Variants in PHLDB1 observed in about 807,000 individuals in gnomAD.
The protein encoded by PHLDB1 is pleckstrin homology-like domain family B member 1.
PHLDB1 carries 65 observed loss-of-function variants against 139.3 expected under a neutral mutation model. The ratio of observed to expected loss-of-function variants is 0.47; its 90% CI spans 0.38 to 0.57. The LOEUF is 0.57. Among genes scored for constraint, PHLDB1 ranks in the 20% least tolerant of loss-of-function variants. The pLI is 0.00. For missense variants in PHLDB1, 1,624 were observed against 1,839.7 expected (o/e 0.88, Z 2.14); for synonymous variants, 679 against 734.5 (o/e 0.92, Z 1.22).
intron 4 of PHLDB1, among the ~76,000 whole-genome samples, chr11:118,618,887 C>G (rs1555092087): frequency 6.6e-6 from 1 of 151,656 alleles, no homozygotes; most frequent in Non-Finnish European, 1.5e-5. Flanking sequence ...GTGACAGGCT[C>G]TTCCAGCAGG....
rs782741815 is a variant in PHLDB1, at chr11:118,627,727, C to T, written c.904C>T (p.Arg302Cys). The change falls in exon 6 of 23, where the codon CGC (arginine) becomes TGC (cysteine). Residue 302 changes from arginine to cysteine, a missense_variant. By Grantham distance (180) the Arg-to-Cys change is radical. Transcript: ENST00000600882. ...YHLALQPPQS[R>C]PSGARSESPR... The stretch of plus-strand genomic sequence containing the variant: ...TCTGGCCCTACAGCCCCCACAGTCC[C>T]GCCCAAGTGGTGCTCGCTCCGAGAG... 37 of 1,609,734 alleles carry T rather than the reference C, an allele frequency of 2.3e-5. No homozygotes were observed. The highest frequency in any genetic ancestry group is 9.9e-5 in the South Asian group (9 of 91,092).
chr11:118,650,577 C>A lies in PHLDB1; in HGVS notation c.3874+30C>A. The A allele has an allele frequency of 6.8e-7, 1 of 1,463,510 alleles. No individual in the cohort carries two copies. Among genetic ancestry groups the A allele is most frequent in the East Asian group, 2.3e-5 (1 of 44,178 alleles). 90.7% of individuals were successfully genotyped at this position (1,463,510 alleles called of 1,614,324 possible). A position where few individuals can be genotyped will look rare whatever the true frequency, so the allele number is the denominator to read the frequency against. ...GTTCCCACAAGGCCACCCTGGGGGC[C>A]AGCCAGGATCCCTGGGCTCTGTTAC... On this transcript the variant is annotated intron_variant, in intron 20 of 22. Transcript: ENST00000600882. The surrounding 1 kb of genome is among the most constrained non-coding windows in gnomAD (Gnocchi z 4.7).
chr11:118,615,930 T>C, intron 3 of PHLDB1, 111 bp from the exon 4 acceptor site: 1 of 888,876 alleles, frequency 1.1e-6, no homozygotes, highest in Non-Finnish European at 1.8e-6. Flanking sequence ...TGGGCAGAGA[T>C]TCTCCCTGGA....
chr11:118,614,735 C>T (rs1555087437), intron 3 of PHLDB1, 53 bp downstream of exon 3: 1 of 1,583,840 alleles, frequency 6.3e-7, no homozygotes, highest in Non-Finnish European at 8.6e-7. Flanking sequence ...TATAGGCATT[C>T]CTGCCCTGGA....
intron 6 of PHLDB1, among the ~76,000 whole-genome samples, chr11:118,628,983 C>T (rs553506767): frequency 2.0e-5 from 3 of 152,334 alleles, no homozygotes; most frequent in East Asian, 1.9e-4. Flanking sequence ...GGTAAGACCT[C>T]GAACCTCCCA....
At chr11:118,624,869 A>G in intron 4 of PHLDB1, 65 bp from the exon 5 acceptor site, 2 of 1,572,392 alleles carry the variant, frequency 1.3e-6, no homozygotes. Context: ...CTCCGCCTCC[A>G]AAAGTGTTGG....
upstream of PHLDB1, among the ~76,000 whole-genome samples, chr11:118,606,873 T>C (rs1212388098): frequency 6.6e-6 from 1 of 152,206 alleles, no homozygotes; most frequent in East Asian, 1.9e-4. Flanking sequence ...ATCCAGCAAG[T>C]CTGTCGGGGT....
In PHLDB1 at chr11:118,648,076, G is replaced by A. The variant is rs782296918; in HGVS notation, c.3654G>A (p.Gln1218=). The A allele has an allele frequency of 6.2e-7, 1 of 1,613,324 alleles. No individual in the cohort carries two copies. Among genetic ancestry groups the A allele is most frequent in the Non-Finnish European group, 8.5e-7 (1 of 1,179,560 alleles). ...EVKMREKQFS[Q]ARPLTRYLPI... is the part of the protein sequence containing the mutation. ...AGATGCGGGAGAAACAATTTTCCCA[G>A]GTGAATGGGCAGTGGGGCACAGTGG... The change falls in exon 18 of 23, where the codon CAG becomes CAA. Residue 1218 remains glutamine, a splice_region_variant and synonymous_variant. Transcript: ENST00000600882.
At position 118,618,465 on chromosome 11, in the gene PHLDB1, T is replaced by C. The variant is rs566866125; in HGVS notation, c.355+2254T>C. ...GTGGCTCGGGGGTGCATGTGCTATC[T>C]CTGTGTGTCTGTGTAACCGGAGTGT... is the stretch of plus-strand genomic sequence containing the variant. On this transcript the variant is annotated intron_variant, in intron 4 of 22. Transcript: ENST00000600882. 3.4e-4 allele frequency among the ~76,000 whole-genome samples: 51 copies of C among 152,208 alleles called. No homozygotes were observed. The Middle Eastern group carries it at 0.01, about 30-fold the overall frequency.
intron 4 of PHLDB1, among the ~76,000 whole-genome samples, chr11:118,618,215 C>A (rs1942046188): frequency 6.6e-6 from 1 of 152,146 alleles, no homozygotes; most frequent in South Asian, 2.1e-4. Context: ...CCTCCCCAAC[C>A]CCCATAGCCT....
At chr11:118,641,468 TCGAGTTGAGAGGA>T (rs1466730820) in intron 12 of PHLDB1, 1 of 325,410 alleles carries the variant, frequency 3.1e-6, no homozygotes, top group Admixed American at 4.9e-5. Context: ...GATGAGGGTG[TCGAGTTGAGAGGA>T]CTCTGGCTTT....
chr11:118,612,229 TA>T (rs1940581762), intron 1 of PHLDB1, among the ~76,000 whole-genome samples: 1 of 152,182 alleles, frequency 6.6e-6, no homozygotes, highest in Non-Finnish European at 1.5e-5. Flanking sequence ...ATCTTATAGC[TA>T]ATAAATAAAT....
intron 7 of PHLDB1, 40 bp from the exon 8 acceptor site, chr11:118,631,873 G>T (rs1555110934): frequency 1.3e-6 from 2 of 1,573,118 alleles, no homozygotes; most frequent in African/African-American, 1.4e-5. Flanking sequence ...ATTCCAAAAG[G>T]CTCTAGGCTT....
At position 118,608,922 on chromosome 11, in the gene PHLDB1, CCA is replaced by C. The variant is rs1379988956; in HGVS notation, c.-22+1224_-22+1225del. Among the ~76,000 whole-genome samples the C allele has an allele frequency of 6.6e-6, 1 of 151,720 alleles. No individual in the cohort carries two copies. Among genetic ancestry groups the C allele is most frequent in the Non-Finnish European group, 1.5e-5 (1 of 67,900 alleles). On this transcript the variant is annotated intron_variant, in intron 1 of 22. Transcript: ENST00000600882. The surrounding 1 kb of genome is among the most constrained non-coding windows in gnomAD (Gnocchi z 6.7). ...ACACAGCCTACCTCACACACGCACCCCAGTCACACACACAACCCAGCTCACAC... is the reference window on the plus strand; with the variant it reads ...ACACAGCCTACCTCACACACGCACCCGTCACACACACAACCCAGCTCACAC...
In PHLDB1 at chr11:118,628,042, C is replaced by A. The variant is rs782308236; in HGVS notation, c.1219C>A (p.Arg407Ser). The A allele has an allele frequency of 4.3e-6, 7 of 1,613,908 alleles. No individual in the cohort carries two copies. In the Admixed American group the frequency reaches 1.0e-4, roughly 23 times the overall value. The change falls in exon 6 of 23, where the codon CGT (arginine) becomes AGT (serine). Residue 407 changes from arginine (R) to serine (S), a missense_variant. Physicochemically the swap from Arg to Ser is moderately radical, Grantham distance 110. Transcript: ENST00000600882. ...CCAGGACCGCCCTCCCAGCCCTTTC[C>A]GTGAGCCTCCAGGCAGTGAGCGGGT... Reference protein sequence around the residue: ...TLQDRPPSPFREPPGSERVLT... With the variant: ...TLQDRPPSPFSEPPGSERVLT...
intron 4 of PHLDB1, among the ~76,000 whole-genome samples, chr11:118,623,734 C>T (rs1943269120): frequency 6.6e-6 from 1 of 152,100 alleles, no homozygotes; most frequent in African/African-American, 2.4e-5. Context: ...CCCTTGTTCC[C>T]TATCTCAGTT....
chr11:118,624,528 T>C, intron 4 of PHLDB1: 1 of 239,930 alleles, frequency 4.2e-6, no homozygotes, highest in South Asian at 4.7e-5. Flanking sequence ...CTGCTAGTGC[T>C]GTGAGGTGGG....
rs1285404196 is a variant in PHLDB1, at chr11:118,635,518, T to A, written c.2505T>A (p.Ala835=). The part of the protein sequence containing the change: ...LAGQGLLRSK[A]ELLRSIAKRK... ...GCCAGGGGCTGCTCCGGAGCAAGGC[T>A]GAGCTGCTCCGCAGCATCGCCAAGA... is the stretch of plus-strand genomic sequence containing the variant. The change falls in exon 10 of 23, where the codon GCT becomes GCA. Residue 835 remains alanine, a synonymous_variant. Transcript: ENST00000600882. 1 of 1,593,724 alleles carries A rather than the reference T, an allele frequency of 6.3e-7. No homozygotes were observed. The highest frequency in any genetic ancestry group is 8.5e-7 in the Non-Finnish European group (1 of 1,171,070).
Position 118,632,682 on chromosome 11 carries a change from C to T in PHLDB1, c.2379+386C>T, listed in dbSNP as rs1555112294. 4.6e-6 allele frequency: 1 copy of T among 218,344 alleles called. No individual in the cohort carries two copies. Among genetic ancestry groups the T allele is most frequent in the Non-Finnish European group, 9.0e-6 (1 of 111,546 alleles). The allele number at this position is 218,344 out of a possible 1,614,324, so 13.5% of individuals were successfully genotyped here. A position where few individuals can be genotyped will look rare whatever the true frequency, so the allele number is the denominator to read the frequency against. On this transcript the variant is annotated intron_variant, in intron 9 of 22. Transcript: ENST00000600882. This position sits in a 1 kb window ranked among gnomAD's most constrained non-coding sequence, Gnocchi z 5.9. ...CATCTGGAGAACATCTCCCTCCAAG[C>T]ATGCCACAAGTGCTTACGTTGTGAT...
Sources: allele counts gnomAD v4.1 joint callset (sites outside exome capture counted in the v4.1 genomes callset), GRCh38; gene constraint gnomAD v4.1.1; non-coding constraint Gnocchi (gnomAD v3.1); transcripts MANE v1.5; gene names NCBI Gene and HGNC (gene_info 2026-07-23, HGNC 2026-07-21).